NLK: variants seen among roughly 807,000 people sequenced by gnomAD.
NLK encodes serine/threonine-protein kinase NLK.
In NLK, 11 loss-of-function variants were observed where a neutral mutation model predicts 59.0. The observed-to-expected ratio is 0.19, with a 90% CI of 0.12 to 0.31. NLK has a LOEUF of 0.31. NLK is among the 10% of genes least tolerant of loss of function. NLK has a pLI of 1.00. For missense variants in NLK, 410 were observed against 661.1 expected, an observed-to-expected ratio of 0.62 and a Z score of 4.16; for synonymous variants, 235 against 235.9, an observed-to-expected ratio of 1.00 and a Z score of 0.03.
At chr17:28,137,647 T>G (rs1458660028) in intron 3 of NLK, among the ~76,000 whole-genome samples, 2 of 152,226 alleles carry the variant, frequency 1.3e-5, no homozygotes, top group East Asian at 3.9e-4. Context: ...CAGTTAATCA[T>G]GTATTTCCTA....
At chr17:28,125,269 A>C (rs942286036) in intron 2 of NLK, among the ~76,000 whole-genome samples, 3 of 152,232 alleles carry the variant, frequency 2.0e-5, no homozygotes, top group African/African-American at 4.8e-5. Flanking sequence ...TGAAAATCAC[A>C]CCAATTAAAA....
At chr17:28,140,751 TA>T (rs768369528) in intron 3 of NLK, among the ~76,000 whole-genome samples, 97 of 141,308 alleles carry the variant, frequency 6.9e-4, no homozygotes, top group African/African-American at 8.0e-4. Flanking sequence ...GTCTTATGGA[TA>T]AAAAAAAAAA....
chr17:28,197,820 C>T (rs1325249413), downstream of NLK, among the ~76,000 whole-genome samples: 1 of 151,804 alleles, frequency 6.6e-6, no homozygotes, highest in East Asian at 1.9e-4. Flanking sequence ...GAAATTAAGA[C>T]AACTTTTAAG....
intron 1 of NLK, among the ~76,000 whole-genome samples, chr17:28,057,017 C>T (rs534277352): frequency 1.3e-4 from 19 of 144,062 alleles, no homozygotes; most frequent in African/African-American, 3.9e-4. Context: ...TGCAATGGCG[C>T]GATCTTGGCT....
At position 28,129,628 on chromosome 17, in the gene NLK, C is replaced by T. The variant is rs143673243; in HGVS notation, c.589-2992C>T. ...GTCTCTACCGTAAAGAACTTAGAAT[C>T]TATTATGGGGAGAGAGTGGGAAAAG... On this transcript the variant is annotated intron_variant, in intron 2 of 10. Transcript: ENST00000407008. 2.5e-3 allele frequency among the ~76,000 whole-genome samples: 383 copies of T among 152,102 alleles called. 5 individuals are homozygous for T. Among genetic ancestry groups the T allele is most frequent in the African/African-American group, 8.6e-3 (355 of 41,478 alleles).
chr17:28,199,683 AAC>A (rs1178271451), downstream of NLK, among the ~76,000 whole-genome samples: 6 of 11,586 alleles, frequency 5.2e-4, no homozygotes, highest in African/African-American at 1.4e-3. Flanking sequence ...AAAAAAAAAA[AAC>A]AAAACAAAAC....
At chr17:28,205,155 A>T in the NLK span, among the ~76,000 whole-genome samples, 1 of 152,256 alleles carries the variant, frequency 6.6e-6, no homozygotes, top group Non-Finnish European at 1.5e-5. Context: ...TCTGTGTGTC[A>T]GTTTGATATC....
At chr17:28,141,218 G>T (rs983696946) in intron 3 of NLK, among the ~76,000 whole-genome samples, 1 of 152,104 alleles carries the variant, frequency 6.6e-6, no homozygotes, top group Admixed American at 6.5e-5. Flanking sequence ...TTCAACTCCC[G>T]TAAAAAGTAC....
At chr17:28,199,086 C>T (rs1909555479), downstream of NLK, among the ~76,000 whole-genome samples, 1 of 152,168 alleles carries the variant, frequency 6.6e-6, no homozygotes, top group African/African-American at 2.4e-5. Flanking sequence ...TTAGGACTTT[C>T]CAGTAGTTTA....
chr17:28,043,086 A>G lies in NLK; in HGVS notation c.213A>G (p.Ala71=), dbSNP rs768371269. Residue 71 remains alanine, a synonymous_variant, in exon 1 of 11, where the codon GCA becomes GCG. Transcript: ENST00000407008. The part of the protein sequence containing the change: ...VHPVQQHTSS[A]AAAAAAAAAA... The stretch of plus-strand genomic sequence containing the variant: ...CTGTACAGCAGCACACCTCTTCGGC[A>G]GCTGCGGCAGCCGCAGCAGCGGCTG... 46 of 1,576,282 alleles carry G rather than the reference A, an allele frequency of 2.9e-5. No individual in the cohort carries two copies. Among genetic ancestry groups the G allele is most frequent in the Non-Finnish European group, 3.9e-5 (45 of 1,160,746 alleles).
At chr17:28,059,613 C>G (rs984879416) in intron 1 of NLK, among the ~76,000 whole-genome samples, 28 of 152,294 alleles carry the variant, frequency 1.8e-4, no homozygotes, top group Middle Eastern at 3.4e-3. Context: ...GCTCTTTATT[C>G]TGTTTTATAA....
At chr17:28,152,131 T>C (rs1338735830) in intron 3 of NLK, among the ~76,000 whole-genome samples, 1 of 152,186 alleles carries the variant, frequency 6.6e-6, no homozygotes, top group African/African-American at 2.4e-5. Context: ...ACCTGATAGG[T>C]TTCATAATGC....
chr17:28,180,836 T>C (rs900731816), intron 7 of NLK, among the ~76,000 whole-genome samples: 1 of 152,216 alleles, frequency 6.6e-6, no homozygotes, highest in Non-Finnish European at 1.5e-5. Context: ...AAAAAAAAAT[T>C]CTTGTGTAAA....
chr17:28,150,901 G>A (rs975379832), intron 3 of NLK, among the ~76,000 whole-genome samples: 2 of 152,042 alleles, frequency 1.3e-5, no homozygotes, highest in Non-Finnish European at 2.9e-5. Flanking sequence ...CCTTAACTTT[G>A]GTCCTATAGT....
At chr17:28,173,320 A>T (rs1336029349) in intron 7 of NLK, among the ~76,000 whole-genome samples, 1 of 152,212 alleles carries the variant, frequency 6.6e-6, no homozygotes, top group East Asian at 1.9e-4. Flanking sequence ...TGACCCAGCA[A>T]CAAATTTTCC....
intron 1 of NLK, among the ~76,000 whole-genome samples, chr17:28,060,566 C>G (rs1001629560): frequency 6.6e-6 from 1 of 152,064 alleles, no homozygotes; most frequent in Admixed American, 6.6e-5. Context: ...GCCACCACAC[C>G]CAGCCTAAAG....
chr17:28,152,468 A>C (rs1238735878), intron 3 of NLK, among the ~76,000 whole-genome samples: 1 of 152,228 alleles, frequency 6.6e-6, no homozygotes, highest in East Asian at 1.9e-4. Context: ...GGATTCTGGC[A>C]TCACAACTTG....
At chr17:28,192,531 G>T (rs1909343142) in intron 10 of NLK, among the ~76,000 whole-genome samples, 1 of 152,092 alleles carries the variant, frequency 6.6e-6, no homozygotes, top group Admixed American at 6.6e-5. Flanking sequence ...AGCCAGGCAT[G>T]GTGGTGCATG....
At chr17:28,099,379 G>A (rs930871588) in intron 1 of NLK, among the ~76,000 whole-genome samples, 1 of 151,988 alleles carries the variant, frequency 6.6e-6, no homozygotes, top group Non-Finnish European at 1.5e-5. Context: ...CAATCAGAAC[G>A]TTGAACAGGT....
Sources: gnomAD v4.1 joint callset for allele counts (sites outside exome capture counted in the v4.1 genomes callset) on GRCh38, gnomAD v4.1.1 for gene constraint, MANE v1.5 for transcripts, NCBI Gene and HGNC (gene_info 2026-07-23, HGNC 2026-07-21) for gene names.